Variants in ATP6V1H observed in about 807,000 individuals in gnomAD.
ATP6V1H encodes V-type proton ATPase subunit H.
In ATP6V1H, 39 loss-of-function variants were observed where a neutral mutation model predicts 71.7. The observed-to-expected ratio is 0.54, with a 90% CI of 0.42 to 0.71. The LOEUF (loss-of-function observed/expected upper bound fraction) is 0.71, where lower values mean the gene tolerates loss of function less well. ATP6V1H is among the 30% of genes least tolerant of loss of function. ATP6V1H has a pLI of 0.00. For missense variants in ATP6V1H, 509 were observed against 594.9 expected (o/e 0.86, Z 1.50); for synonymous variants, 192 against 199.3 (o/e 0.96, Z 0.31).
intron 11 of ATP6V1H, among the ~76,000 whole-genome samples, chr8:53,759,171 G>A (rs142882045): frequency 6.6e-6 from 1 of 152,302 alleles, no homozygotes; most frequent in African/African-American, 2.4e-5. Context: ...GTTAGAACTG[G>A]AAGGAATCAC....
rs967411411 is a variant in ATP6V1H, at chr8:53,841,652, A to G, written c.39T>C (p.Ala13=). The change falls in exon 2 of 14, where the codon GCT becomes GCC. Residue 13 remains alanine, a synonymous_variant. Coordinates refer to ENST00000359530, the MANE Select transcript of ATP6V1H (RefSeq NM_015941.4). ...KMDIRGAVDA[A]VPTNIIAAKA... ...TGGCAGCAATAATATTGGTGGGGAC[A>G]GCAGCATCCACAGCACCTCGGATAT... 6.2e-7 allele frequency: 1 copy of G among 1,614,154 alleles called. No homozygotes were observed. The highest frequency in any genetic ancestry group is 1.1e-5 in the South Asian group (1 of 91,078).
chr8:53,788,240 A>G lies in ATP6V1H; in HGVS notation c.870+7407T>C, dbSNP rs184937316. Among the ~76,000 whole-genome samples, 61 of 152,340 alleles carry G rather than the reference A, an allele frequency of 4.0e-4. 1 individual carries two copies. In the East Asian group the frequency reaches 0.011, roughly 27 times the overall value. Reference sequence around the variant, plus strand: ...AAATTTAGCATATGAGAATCTAAAAAAAACTAATATTTCTGCCATTGGACT... The same window carrying G: ...AAATTTAGCATATGAGAATCTAAAAGAAACTAATATTTCTGCCATTGGACT... On this transcript the variant is annotated intron_variant, in intron 9 of 13. Transcript: ENST00000359530.
At chr8:53,806,370 T>G (rs957625099) in intron 7 of ATP6V1H, among the ~76,000 whole-genome samples, 3 of 152,126 alleles carry the variant, frequency 2.0e-5, no homozygotes, top group Admixed American at 6.5e-5. Context: ...ACCCCAAGAA[T>G]TCTCTTGAAG....
At chr8:53,814,916 A>C (rs1810397390) in intron 5 of ATP6V1H, 150 bp from the exon 6 acceptor site, 1 of 493,994 alleles carries the variant, frequency 2.0e-6, no homozygotes, top group East Asian at 3.6e-5. Context: ...ATTTTTTAAA[A>C]TATATTTTGA....
At chr8:53,811,632 C>A (rs1810277058) in intron 6 of ATP6V1H, among the ~76,000 whole-genome samples, 1 of 152,080 alleles carries the variant, frequency 6.6e-6, no homozygotes, top group African/African-American at 2.4e-5. Context: ...CAGGAAGGTA[C>A]AATATGTGAC....
chr8:53,779,890 G>A (rs1809039814), intron 9 of ATP6V1H, among the ~76,000 whole-genome samples: 1 of 152,116 alleles, frequency 6.6e-6, no homozygotes, highest in African/African-American at 2.4e-5. Context: ...TGGACTTGAT[G>A]GCTCACACCT....
rs114682972 is a variant in ATP6V1H at position 53,754,355 on chromosome 8, C to T, written c.1277+2200G>A. Among the ~76,000 whole-genome samples the T allele has an allele frequency of 4.7e-3, 712 of 152,286 alleles. 7 individuals are homozygous for T. Among genetic ancestry groups the T allele is most frequent in the African/African-American group, 0.016 (653 of 41,552 alleles). On this transcript the variant is annotated intron_variant, in intron 12 of 13. Coordinates refer to ENST00000359530, the MANE Select transcript of ATP6V1H (RefSeq NM_015941.4). ...TTGTGGGTGGTTCTGATGAATCTGGCTGGCACAGGCTGGAACCAAGTCCAC... is the reference window on the plus strand; with the variant it reads ...TTGTGGGTGGTTCTGATGAATCTGGTTGGCACAGGCTGGAACCAAGTCCAC...
At position 53,757,039 on chromosome 8, in the gene ATP6V1H, C is replaced by T. The variant is rs559134967; in HGVS notation, c.1176-383G>A. ...ACTGGGACAAGTGACTTTCAGTGCT[C>T]GATGATAAGAGGGTGGACTGAGCAC... is the stretch of plus-strand genomic sequence containing the variant. On this transcript the variant is annotated intron_variant, in intron 11 of 13. Transcript: ENST00000359530. Among the ~76,000 whole-genome samples the T allele has an allele frequency of 1.6e-4, 25 of 152,286 alleles. No individual in the cohort carries two copies. In the South Asian group the frequency reaches 4.1e-3, roughly 25 times the overall value.
At chr8:53,838,102 C>T (rs780071929) in intron 2 of ATP6V1H, among the ~76,000 whole-genome samples, 3 of 149,672 alleles carry the variant, frequency 2.0e-5, no homozygotes, top group African/African-American at 5.0e-5. Context: ...AGGTGTTCCT[C>T]GGCCTGGACA....
At chr8:53,824,567 A>C (rs1050145775) in intron 4 of ATP6V1H, among the ~76,000 whole-genome samples, 1 of 152,180 alleles carries the variant, frequency 6.6e-6, no homozygotes, top group African/African-American at 2.4e-5. Context: ...GTTCAGTATT[A>C]TAAAATCCAT....
chr8:53,757,134 C>G (rs1172962302), intron 11 of ATP6V1H, among the ~76,000 whole-genome samples: 1 of 152,208 alleles, frequency 6.6e-6, no homozygotes, highest in Non-Finnish European at 1.5e-5. Flanking sequence ...ACTTTCCAAA[C>G]AGTGAAGTCC....
intron 5 of ATP6V1H, 130 bp downstream of exon 5, chr8:53,817,287 C>G: frequency 1.9e-6 from 1 of 521,564 alleles, no homozygotes; most frequent in South Asian, 2.7e-5. Context: ...CCTGTAATCC[C>G]AGCACTTTGG....
chr8:53,771,893 T>C, intron 10 of ATP6V1H, 96 bp downstream of exon 10: 2 of 1,102,104 alleles, frequency 1.8e-6, no homozygotes, highest in Non-Finnish European at 2.7e-6. Flanking sequence ...TCTTGATTTG[T>C]ATAGGTGACA....
chr8:53,727,562 T>C (rs1211727710), intron 13 of ATP6V1H, among the ~76,000 whole-genome samples: 2 of 152,196 alleles, frequency 1.3e-5, no homozygotes, highest in Non-Finnish European at 2.9e-5. Context: ...TGCGCTCTTC[T>C]CCTACTGCAT....
intron 13 of ATP6V1H, 76 bp from the exon 14 acceptor site, chr8:53,716,100 T>C: frequency 3.4e-6 from 4 of 1,163,398 alleles, no homozygotes; most frequent in South Asian, 1.3e-5. Context: ...AAACACATTA[T>C]GCACTGTCAT....
In ATP6V1H at chr8:53,814,777, A is replaced by G. The variant is rs1383841243; in HGVS notation, c.421-11T>C. On this transcript the variant is annotated splice_polypyrimidine_tract_variant and intron_variant, in intron 5 of 13. Transcript: ENST00000359530. ...AATAATTCTTGCTGCCTGAAAACAA[A>G]TAAGAGATACATTTAACGCAACATT... 2 of 1,566,070 alleles carry G rather than the reference A, an allele frequency of 1.3e-6. No homozygotes were observed. Among genetic ancestry groups the G allele is most frequent in the East Asian group, 2.2e-5 (1 of 44,514 alleles).
At position 53,825,498 on chromosome 8, in the gene ATP6V1H, C is replaced by T. The variant is rs1388469530; in HGVS notation, c.306+3946G>A. Among the ~76,000 whole-genome samples the T allele has an allele frequency of 7.3e-5, 11 of 151,216 alleles. No homozygotes were observed. In the East Asian group the frequency reaches 1.5e-3, roughly 21 times the overall value. On this transcript the variant is annotated intron_variant, in intron 4 of 13. Coordinates refer to ENST00000359530, the MANE Select transcript of ATP6V1H (RefSeq NM_015941.4). ...AAATACTGGGGGAAAAAAAAAACTG[C>T]GAAGGGAACTAGCCATAAGATCCTC...
intron 13 of ATP6V1H, among the ~76,000 whole-genome samples, chr8:53,737,983 C>A (rs1159824695): frequency 6.6e-6 from 1 of 152,052 alleles, no homozygotes; most frequent in Admixed American, 6.5e-5. Flanking sequence ...ATCTGGGTGA[C>A]ATACATAAAG....
chr8:53,755,727 T>C (rs1277678612), intron 12 of ATP6V1H, among the ~76,000 whole-genome samples: 6 of 7,862 alleles, frequency 7.6e-4, no homozygotes, highest in African/African-American at 4.8e-3. Flanking sequence ...TATATATATA[T>C]ATATATATAT....
Sources: gnomAD v4.1 joint callset for allele counts (sites outside exome capture counted in the v4.1 genomes callset) on GRCh38, gnomAD v4.1.1 for gene constraint, MANE v1.5 for transcripts, NCBI Gene and HGNC (gene_info 2026-07-23, HGNC 2026-07-21) for gene names.